Variants in CTSB observed in about 807,000 individuals in gnomAD.
CTSB encodes the protein APP secretase.
A neutral mutation model predicts 44.3 loss-of-function variants in CTSB; 57 were observed. That is an observed-to-expected ratio of 1.29 (90% CI 1.04 to 1.60). The LOEUF is 1.60. Ranked by LOEUF, CTSB falls within the 40% of genes most tolerant of loss-of-function variation. CTSB has a pLI of 0.00. For synonymous variants in CTSB, 320 were observed against 168.0 expected, an observed-to-expected ratio of 1.91 and a Z score of -7.00; for missense variants, 768 against 443.0, an observed-to-expected ratio of 1.73 and a Z score of -6.59.
At chr8:11,865,199 A>G (rs968269535) in intron 1 of CTSB, among the ~76,000 whole-genome samples, 2 of 152,128 alleles carry the variant, frequency 1.3e-5, no homozygotes, top group South Asian at 4.1e-4. Context: ...TGCCCAGTAA[A>G]TATCACTCAA....
rs1814924964 is a variant in CTSB at position 11,853,261 on chromosome 8, T to G, written c.126+68A>C. ...GGCCACAGTGAGGGCTGGCTTCCCATTCCTGGAGTCAGTGTGCACAGACCG... is the reference window on the plus strand; with the variant it reads ...GGCCACAGTGAGGGCTGGCTTCCCAGTCCTGGAGTCAGTGTGCACAGACCG... On this transcript the variant is annotated intron_variant, in intron 2 of 9. Coordinates refer to ENST00000353047, the MANE Select transcript of CTSB (RefSeq NM_001908.5). 13 of 1,582,610 alleles carry G rather than the reference T, an allele frequency of 8.2e-6. 1 individual carries two copies. The South Asian group carries it at 1.4e-4, about 17-fold the overall frequency.
rs562998462 is a variant in CTSB at position 11,851,616 on chromosome 8, T to C, written c.213-636A>G. On this transcript the variant is annotated intron_variant, in intron 3 of 9. Coordinates refer to ENST00000353047, the MANE Select transcript of CTSB (RefSeq NM_001908.5). ...GTCCAGATAGTGTTTCTTGCCCTGC[T>C]CTCCTGCCTCAACCTCTGCCCAGGA... 1.6e-4 allele frequency among the ~76,000 whole-genome samples: 25 copies of C among 152,334 alleles called. 1 individual carries two copies. Among genetic ancestry groups the C allele is most frequent in the African/African-American group, 6.0e-4 (25 of 41,582 alleles).
intron 1 of CTSB, among the ~76,000 whole-genome samples, chr8:11,855,786 G>A (rs1815406963): frequency 6.6e-6 from 1 of 152,184 alleles, no homozygotes; most frequent in Non-Finnish European, 1.5e-5. Context: ...GGGAGGCTGA[G>A]GCAGGTGGAT....
Position 11,853,476 on chromosome 8 carries a change from C to G in CTSB, c.-22G>C. ...ACATGTTGGAAGCCGGATCCTAGATCCACCTGGAGAGGACAGAGGGCATCA... is the reference window on the plus strand; with the variant it reads ...ACATGTTGGAAGCCGGATCCTAGATGCACCTGGAGAGGACAGAGGGCATCA... On this transcript the variant is annotated 5_prime_UTR_variant, in exon 2 of 10. Coordinates refer to ENST00000353047, the MANE Select transcript of CTSB (RefSeq NM_001908.5). 1 of 1,609,192 alleles carries G rather than the reference C, an allele frequency of 6.2e-7. No individual in the cohort carries two copies. The highest frequency in any genetic ancestry group is 1.3e-5 in the African/African-American group (1 of 74,110).
Position 11,847,804 on chromosome 8 carries a change from A to T in CTSB, c.551T>A (p.Ile184Asn). 1 of 1,597,898 alleles carries T rather than the reference A, an allele frequency of 6.3e-7. No individual in the cohort carries two copies. Among genetic ancestry groups the T allele is most frequent in the Non-Finnish European group, 8.5e-7 (1 of 1,175,494 alleles). The change falls in exon 7 of 10, where the codon ATC (isoleucine) becomes AAC (asparagine). Residue 184 changes from isoleucine to asparagine, a missense_variant. By Grantham distance (149) the Ile-to-Asn change is moderately radical. Coordinates refer to ENST00000353047, the MANE Select transcript of CTSB (RefSeq NM_001908.5). The part of the protein sequence containing the change: ...ESHVGCRPYS[I>N]PPCEHHVNGS... The stretch of plus-strand genomic sequence containing the variant: ...GTTGACGTGGTGCTCACAGGGAGGG[A>T]TGGAGTACGGTCTGCACCCTGATGG...
At chr8:11,851,175 A>ATT (rs111617575) in intron 3 of CTSB, among the ~76,000 whole-genome samples, 195 bp from the exon 4 acceptor site, 1 of 98,630 alleles carries the variant, frequency 1.0e-5, no homozygotes. Flanking sequence ...GCACCTTTTG[A>ATT]TTTTTTTTTT....
intron 1 of CTSB, among the ~76,000 whole-genome samples, chr8:11,866,682 A>C (rs1817200520): frequency 6.6e-6 from 1 of 152,230 alleles, no homozygotes; most frequent in African/African-American, 2.4e-5. Context: ...CAACATGGTG[A>C]AACCCCATCT....
At chr8:11,864,566 G>GAAT (rs1816855583) in intron 1 of CTSB, 1 of 152,140 alleles carries the variant, frequency 6.6e-6, no homozygotes, top group South Asian at 2.1e-4. Flanking sequence ...AGCAGACAGG[G>GAAT]AATACAATGG....
intron 1 of CTSB, among the ~76,000 whole-genome samples, chr8:11,856,359 C>T (rs866584527): frequency 6.6e-6 from 1 of 152,078 alleles, no homozygotes; most frequent in Non-Finnish European, 1.5e-5. Context: ...TGGTGGGGCA[C>T]GGTGGCGCAT....
Position 11,845,169 on chromosome 8 carries a change from C to G in CTSB, c.976G>C (p.Val326Leu), listed in dbSNP as rs779506743. ...QDHCGIESEVVAGIPRTDQYW... is the reference protein window; with the variant it reads ...QDHCGIESEVLAGIPRTDQYW... ...TGATCGGTGCGTGGAATTCCAGCCA[C>G]CACTTCTGATTCGATTCCACAGTGA... Residue 326 changes from valine (V) to leucine (L), a missense_variant, in exon 10 of 10, where the codon GTG becomes CTG. By Grantham distance (32) the Val-to-Leu change is conservative. Coordinates refer to ENST00000353047, the MANE Select transcript of CTSB (RefSeq NM_001908.5). 3 of 1,614,098 alleles carry G rather than the reference C, an allele frequency of 1.9e-6. No individual in the cohort carries two copies. Among genetic ancestry groups the G allele is most frequent in the Non-Finnish European group, 2.5e-6 (3 of 1,179,952 alleles).
intron 1 of CTSB, among the ~76,000 whole-genome samples, chr8:11,856,246 T>A (rs911823935): frequency 2.6e-5 from 4 of 151,628 alleles, no homozygotes; most frequent in African/African-American, 9.7e-5. Flanking sequence ...TTTCTAAATC[T>A]GCATGTCCTG....
At chr8:11,852,420 A>T (rs1201949117) in intron 3 of CTSB, among the ~76,000 whole-genome samples, 190 bp downstream of exon 3, 2 of 152,180 alleles carry the variant, frequency 1.3e-5, no homozygotes, top group Non-Finnish European at 2.9e-5. Flanking sequence ...TTGAGAAGGA[A>T]AAAATAAAAT....
Position 11,851,092 on chromosome 8 carries a change from G to C in CTSB, c.213-112C>G, listed in dbSNP as rs1192514259. On this transcript the variant is annotated intron_variant, in intron 3 of 9. Coordinates refer to ENST00000353047, the MANE Select transcript of CTSB (RefSeq NM_001908.5). ...TCCCCTAACAAGGAAATGAGCACAA[G>C]ACATGCCGAAGAAGGCTGCAGACAG... 7 of 572,248 alleles carry C rather than the reference G, an allele frequency of 1.2e-5. No homozygotes were observed. In the East Asian group the frequency reaches 2.3e-4, roughly 19 times the overall value. 35.4% of individuals were successfully genotyped at this position (572,248 alleles called of 1,614,324 possible). A position where few individuals can be genotyped will look rare whatever the true frequency, so the allele number is the denominator to read the frequency against.
rs1245405740 is a variant in CTSB at position 11,844,193 on chromosome 8, G to A, written c.*932C>T. The A allele has an allele frequency of 6.6e-6, 1 of 152,234 alleles. No individual in the cohort carries two copies. Among genetic ancestry groups the A allele is most frequent in the Non-Finnish European group, 1.5e-5 (1 of 68,044 alleles). The allele number at this position is 152,234 out of a possible 1,614,324, so 9.4% of individuals were successfully genotyped here. On this transcript the variant is annotated 3_prime_UTR_variant, in exon 10 of 10. Coordinates refer to ENST00000353047, the MANE Select transcript of CTSB (RefSeq NM_001908.5). ...CATGGCTGGGGCAGCGAGAAGTTAAGATGAAGTCCCAAGAGTCGCAAGAAC... is the reference window on the plus strand; with the variant it reads ...CATGGCTGGGGCAGCGAGAAGTTAAAATGAAGTCCCAAGAGTCGCAAGAAC...
intron 5 of CTSB, chr8:11,848,763 G>A (rs1296347368): frequency 1.2e-5 from 4 of 339,738 alleles, no homozygotes; most frequent in African/African-American, 4.2e-5. Context: ...AACATGCGAT[G>A]ACACAAACCA....
rs551672408 is a variant in CTSB at position 11,845,558 on chromosome 8, C to T, written c.922+103G>A. 214 of 1,413,992 alleles carry T rather than the reference C, an allele frequency of 1.5e-4. 1 individual carries two copies. The East Asian group carries it at 4.9e-3, about 33-fold the overall frequency. 87.6% of individuals were successfully genotyped at this position (1,413,992 alleles called of 1,614,324 possible). A position where few individuals can be genotyped will look rare whatever the true frequency, so the allele number is the denominator to read the frequency against. On this transcript the variant is annotated intron_variant, in intron 9 of 9. Coordinates refer to ENST00000353047, the MANE Select transcript of CTSB (RefSeq NM_001908.5). ...GGAGCTCACAGCCTGGCCGTAGGTC[C>T]AGGGTTTAAGGCTGTGCGGTGGGTA...
chr8:11,852,744 G>T, intron 2 of CTSB, 49 bp from the exon 3 acceptor site: 2 of 1,548,670 alleles, frequency 1.3e-6, no homozygotes, highest in Non-Finnish European at 8.9e-7. Context: ...GATGGCGGTG[G>T]ATGGGCACGC....
At chr8:11,846,794 G>A (rs1295357503) in intron 8 of CTSB, among the ~76,000 whole-genome samples, 2 of 152,164 alleles carry the variant, frequency 1.3e-5, no homozygotes, top group African/African-American at 2.4e-5. Flanking sequence ...GACGCTAATG[G>A]ATGGGAAGGA....
chr8:11,845,380 G>C (rs976770496), intron 9 of CTSB, among the ~76,000 whole-genome samples, 158 bp from the exon 10 acceptor site: 1 of 152,194 alleles, frequency 6.6e-6, no homozygotes, highest in African/African-American at 2.4e-5. Context: ...GAGCCGTGGG[G>C]CACACCTCCA....
Sources: allele counts gnomAD v4.1 joint callset (sites outside exome capture counted in the v4.1 genomes callset), GRCh38; gene constraint gnomAD v4.1.1; transcripts MANE v1.5; gene names NCBI Gene and HGNC (gene_info 2026-07-23, HGNC 2026-07-21).